ZNF343: variants seen among roughly 807,000 people sequenced by gnomAD.
ZNF343 encodes the protein zinc finger protein 343.
Under a neutral mutation model 13.8 loss-of-function variants are expected in ZNF343, and 11 were observed. The observed-to-expected ratio is 0.80, with a 90% CI of 0.50 to 1.32. ZNF343 has a LOEUF of 1.32. Among genes scored for constraint, ZNF343 ranks in the 40% most tolerant of loss-of-function variants. The pLI is 0.00. For missense variants in ZNF343, 658 were observed against 714.2 expected (o/e 0.92, Z 0.90); for synonymous variants, 248 against 260.0 (o/e 0.95, Z 0.44).
intron 2 of ZNF343, among the ~76,000 whole-genome samples, chr20:2,494,554 A>T (rs1257871179): frequency 6.6e-6 from 1 of 152,070 alleles, no homozygotes; most frequent in Non-Finnish European, 1.5e-5. Flanking sequence ...TAATCACTTA[A>T]GCTCAGGAGC....
upstream of ZNF343, among the ~76,000 whole-genome samples, chr20:2,510,748 G>GTATTGCAA (rs1485844270): frequency 6.6e-6 from 1 of 152,194 alleles, no homozygotes; most frequent in Non-Finnish European, 1.5e-5. Flanking sequence ...ACTGAGACGA[G>GTATTGCAA]TATTGCAAGG....
At chr20:2,486,423 A>G (rs943885911) in intron 5 of ZNF343, among the ~76,000 whole-genome samples, 4 of 152,194 alleles carry the variant, frequency 2.6e-5, no homozygotes, top group Non-Finnish European at 4.4e-5. Context: ...AAAGAACTAT[A>G]TAGTTGAGAG....
At chr20:2,493,073 G>A (rs1262546569) in intron 4 of ZNF343, 1 of 527,938 alleles carries the variant, frequency 1.9e-6, no homozygotes, top group African/African-American at 1.9e-5. Context: ...CCGGAGAAAT[G>A]ATTTGTGAAT....
intron 5 of ZNF343, chr20:2,491,825 C>G (rs1170296766): frequency 6.6e-6 from 1 of 152,010 alleles, no homozygotes. Context: ...CAATTGATAA[C>G]ATTTATCAAC....
At chr20:2,504,223 A>C (rs1484024465) in intron 1 of ZNF343, among the ~76,000 whole-genome samples, 1 of 152,208 alleles carries the variant, frequency 6.6e-6, no homozygotes, top group East Asian at 1.9e-4. Flanking sequence ...GAAATGGATA[A>C]ATTCCTGGAC....
At chr20:2,499,448 G>C (rs1286671658) in intron 2 of ZNF343, among the ~76,000 whole-genome samples, 6 of 77,700 alleles carry the variant, frequency 7.7e-5, no homozygotes, top group Admixed American at 5.2e-4. Context: ...CTGGGCGACA[G>C]AGCGAGACTC....
At chr20:2,511,385 C>G (rs770199791), upstream of ZNF343, among the ~76,000 whole-genome samples, 31 of 152,288 alleles carry the variant, frequency 2.0e-4, no homozygotes, top group Admixed American at 5.9e-4. Context: ...GCTGGAATTA[C>G]AGGCATGAGC....
At position 2,483,323 on chromosome 20, in the gene ZNF343, C is replaced by T. The variant is rs1363568496; in HGVS notation, c.1638G>A (p.Glu546=). The T allele has an allele frequency of 8.1e-6, 13 of 1,611,610 alleles. No homozygotes were observed. The highest frequency in any genetic ancestry group is 1.1e-5 in the Non-Finnish European group (13 of 1,179,430). Residue 546 remains glutamate (E), a synonymous_variant, in exon 6 of 6, where the codon GAG becomes GAA. Coordinates refer to ENST00000278772, the MANE Select transcript of ZNF343 (RefSeq NM_024325.6). ...CACACTCACTGCACACGTAAGGCTT[C>T]TCTCCTGAGTGTGTCCTCTCATGTA... ...LIVHERTHSG[E]KPYVCSECGR... is the part of the protein sequence containing the mutation.
At chr20:2,511,542 T>C (rs1424006604), upstream of ZNF343, among the ~76,000 whole-genome samples, 2 of 152,196 alleles carry the variant, frequency 1.3e-5, no homozygotes, top group Admixed American at 6.5e-5. Flanking sequence ...GTGACTGTTA[T>C]TCATCACGTG....
chr20:2,520,763 C>T (rs577495887), intron 1 of ZNF343, among the ~76,000 whole-genome samples: 2 of 152,302 alleles, frequency 1.3e-5, no homozygotes, highest in East Asian at 1.9e-4. Flanking sequence ...TCTTCTACGC[C>T]GAAAAGTGGT....
chr20:2,515,978 G>A (rs1308263855), intron 1 of ZNF343, among the ~76,000 whole-genome samples: 1 of 152,092 alleles, frequency 6.6e-6, no homozygotes, highest in Non-Finnish European at 1.5e-5. Flanking sequence ...GAGGGTCAAG[G>A]TCAGAGTCAG....
chr20:2,518,664 C>T lies in ZNF343; in HGVS notation c.-347+5791G>A, dbSNP rs1322458171. 1.3e-5 allele frequency among the ~76,000 whole-genome samples: 2 copies of T among 152,190 alleles called. No homozygotes were observed. The highest frequency in any genetic ancestry group is 6.5e-5 in the Admixed American group (1 of 15,278). ...ATGCTCTCAGCCCCGTGTCCACTTC[C>T]CTACACCACTTGCTTCACATCCACT... On this transcript the variant is annotated intron_variant, in intron 1 of 6. Coordinates refer to the ZNF343 transcript ENST00000358413. The surrounding 1 kb of genome is among the most constrained non-coding windows in gnomAD (Gnocchi z 4.6).
At position 2,483,012 on chromosome 20, in the gene ZNF343, A is replaced by G. The variant is rs2085191908; in HGVS notation, c.*149T>C. 2 of 947,546 alleles carry G rather than the reference A, an allele frequency of 2.1e-6. No homozygotes were observed. The highest frequency in any genetic ancestry group is 5.8e-5 in the Admixed American group (2 of 34,572). The allele number at this position is 947,546 out of a possible 1,614,324, so 58.7% of individuals were successfully genotyped here. ...CTCCTCTCCTGAACGTGTCCCTCCC[A>G]TGCCTGATAAGGGCTGACACATCTC... is the stretch of plus-strand genomic sequence containing the variant. On this transcript the variant is annotated 3_prime_UTR_variant, in exon 6 of 6. Coordinates refer to ENST00000278772, the MANE Select transcript of ZNF343 (RefSeq NM_024325.6).
intron 1 of ZNF343, among the ~76,000 whole-genome samples, chr20:2,514,065 T>C (rs530878438): frequency 6.6e-6 from 1 of 152,134 alleles, no homozygotes; most frequent in Admixed American, 6.5e-5. Context: ...GATGTCTTAA[T>C]TGGAGAATCA....
intron 1 of ZNF343, among the ~76,000 whole-genome samples, chr20:2,501,054 C>T (rs576499906): frequency 1.7e-3 from 255 of 152,230 alleles, no homozygotes; most frequent in Admixed American, 6.5e-3. Context: ...GAATTCCTTT[C>T]CTAGTCAAAG....
chr20:2,517,597 G>A (rs2085764953), intron 1 of ZNF343, among the ~76,000 whole-genome samples: 1 of 151,464 alleles, frequency 6.6e-6, no homozygotes, highest in Admixed American at 6.6e-5. Context: ...GACCTCCTGG[G>A]CTCAAGCAGT....
At chr20:2,499,192 G>A (rs368860962) in intron 2 of ZNF343, among the ~76,000 whole-genome samples, 4 of 149,552 alleles carry the variant, frequency 2.7e-5, no homozygotes, top group African/African-American at 7.3e-5. Context: ...TCTTCCGGGC[G>A]CGGTGGCTCA....
chr20:2,517,565 C>G (rs1330883084), intron 1 of ZNF343, among the ~76,000 whole-genome samples: 1 of 150,948 alleles, frequency 6.6e-6, no homozygotes, highest in Admixed American at 6.6e-5. Flanking sequence ...GCAGTGGCAT[C>G]ATCATGGCTC....
chr20:2,512,130 T>C (rs1370768099), upstream of ZNF343, among the ~76,000 whole-genome samples: 1 of 152,232 alleles, frequency 6.6e-6, no homozygotes, highest in Non-Finnish European at 1.5e-5. Context: ...ACAAGATTTG[T>C]ACACTGAAAA....
Sources: allele counts gnomAD v4.1 joint callset (sites outside exome capture counted in the v4.1 genomes callset), GRCh38; gene constraint gnomAD v4.1.1; non-coding constraint Gnocchi (gnomAD v3.1); transcripts MANE v1.5; gene names NCBI Gene and HGNC (gene_info 2026-07-23, HGNC 2026-07-21).